Variants in EAPP observed in about 807,000 individuals in gnomAD.
The protein encoded by EAPP is E2F associated phosphoprotein.
In EAPP, 38 loss-of-function variants were observed where a neutral mutation model predicts 34.3. The observed-to-expected ratio is 1.11, with a 90% CI of 0.85 to 1.45. EAPP has a LOEUF of 1.45. EAPP is among the 40% of genes most tolerant of loss of function. The pLI, the probability that EAPP is intolerant of heterozygous loss-of-function variation, is 0.00. For synonymous variants in EAPP, 113 were observed against 117.6 expected (o/e 0.96, Z 0.25); for missense variants, 338 against 343.7 (o/e 0.98, Z 0.13).
chr14:34,530,070 G>T (rs973950888), intron 3 of EAPP, among the ~76,000 whole-genome samples: 1 of 151,862 alleles, frequency 6.6e-6, no homozygotes, highest in Non-Finnish European at 1.5e-5. Context: ...CGTGGTGGCA[G>T]GCACCTACAA....
Position 34,532,956 on chromosome 14 carries a change from C to T in EAPP, c.352+488G>A, listed in dbSNP as rs151296882. ...CCTCCCAAAGTGCTGGGATTACAAG[C>T]GTGAGCCACCATGCCCAGCCCCCAG... On this transcript the variant is annotated intron_variant, in intron 3 of 5. Transcript: ENST00000250454. Among the ~76,000 whole-genome samples the T allele has an allele frequency of 2.5e-3, 379 of 152,036 alleles. 1 individual carries two copies. Among genetic ancestry groups the T allele is most frequent in the African/African-American group, 8.9e-3 (371 of 41,508 alleles).
chr14:34,519,877 T>C (rs1407728406), intron 5 of EAPP, among the ~76,000 whole-genome samples: 1 of 149,742 alleles, frequency 6.7e-6, no homozygotes, highest in East Asian at 1.9e-4. Context: ...AACAAGGTTC[T>C]TTCTTTTCTT....
chr14:34,525,543 C>G (rs1359143581), intron 4 of EAPP, among the ~76,000 whole-genome samples: 1 of 152,112 alleles, frequency 6.6e-6, no homozygotes, highest in African/African-American at 2.4e-5. Context: ...CTGATTAGTG[C>G]TCCTCAAAGT....
intron 1 of EAPP, among the ~76,000 whole-genome samples, chr14:34,536,868 C>A (rs528619967): frequency 6.6e-6 from 1 of 151,524 alleles, no homozygotes; most frequent in African/African-American, 2.4e-5. Flanking sequence ...ATTCAGAATC[C>A]GTCTCAAAAA....
At position 34,516,544 on chromosome 14, in the gene EAPP, C is replaced by A. The variant is rs768694272; in HGVS notation, c.624G>T (p.Met208Ile). ...CCTCCTCTTTGTTAATAGAACAATTCATTACAAACATTGCTCTATATTGAG... is the reference window on the plus strand; with the variant it reads ...CCTCCTCTTTGTTAATAGAACAATTAATTACAAACATTGCTCTATATTGAG... ...YKTQYRAMFV[M>I]NCSINKEEVL... The change falls in exon 6 of 6, where the codon ATG becomes ATT. Residue 208 changes from methionine (M) to isoleucine (I), a missense_variant. Transcript: ENST00000250454. 1 of 1,613,840 alleles carries A rather than the reference C, an allele frequency of 6.2e-7. No individual in the cohort carries two copies. The highest frequency in any genetic ancestry group is 2.2e-5 in the East Asian group (1 of 44,878).
chr14:34,533,759 TTC>T (rs1880373677), intron 2 of EAPP, among the ~76,000 whole-genome samples: 1 of 152,220 alleles, frequency 6.6e-6, no homozygotes, highest in African/African-American at 2.4e-5. Context: ...GAGAAAATTC[TTC>T]TCTCTCCCTT....
At position 34,516,150 on chromosome 14, in the gene EAPP, A is replaced by C; in HGVS notation, c.*160T>G. On this transcript the variant is annotated 3_prime_UTR_variant, in exon 6 of 6. Coordinates refer to ENST00000250454, the MANE Select transcript of EAPP (RefSeq NM_018453.4). Reference sequence around the variant, plus strand: ...CAAAGAAAAAAAAAAGGAGAGGGTGAGAGATGTAAGAGATGAATGAAGGTT... The same window carrying C: ...CAAAGAAAAAAAAAAGGAGAGGGTGCGAGATGTAAGAGATGAATGAAGGTT... 3 of 607,054 alleles carry C rather than the reference A, an allele frequency of 4.9e-6. No homozygotes were observed. The highest frequency in any genetic ancestry group is 3.1e-5 in the South Asian group (1 of 32,604). 37.6% of individuals were successfully genotyped at this position (607,054 alleles called of 1,614,324 possible). A position where few individuals can be genotyped will look rare whatever the true frequency, so the allele number is the denominator to read the frequency against.
chr14:34,516,618 T>C (rs1265914267), intron 5 of EAPP, 32 bp from the exon 6 acceptor site: 1 of 1,579,258 alleles, frequency 6.3e-7, no homozygotes, highest in East Asian at 2.2e-5. Flanking sequence ...GAATTGGGGT[T>C]TATGTTCTAT....
chr14:34,524,520 G>A (rs1880028365), intron 5 of EAPP, among the ~76,000 whole-genome samples, 177 bp downstream of exon 5: 1 of 152,056 alleles, frequency 6.6e-6, no homozygotes, highest in African/African-American at 2.4e-5. Flanking sequence ...GGAGGCTGAG[G>A]CAGGAGACTC....
intron 5 of EAPP, among the ~76,000 whole-genome samples, chr14:34,523,239 C>CTTTT (rs71453625): frequency 1.5e-5 from 2 of 137,378 alleles, no homozygotes; most frequent in African/African-American, 2.7e-5. Flanking sequence ...GAAAAGATAC[C>CTTTT]TTTTTTTTTT....
At chr14:34,521,674 G>A (rs1879924416) in intron 5 of EAPP, among the ~76,000 whole-genome samples, 1 of 138,470 alleles carries the variant, frequency 7.2e-6, no homozygotes, top group Non-Finnish European at 1.5e-5. Context: ...TCGCTCCATT[G>A]CGCAGGCTGG....
chr14:34,539,392 C>T (rs1005720196), intron 1 of EAPP, 163 bp downstream of exon 1: 2 of 768,222 alleles, frequency 2.6e-6, no homozygotes, highest in Non-Finnish European at 4.5e-6. Context: ...CCCGGGACTG[C>T]GCGACCCCAT....
chr14:34,534,863 G>A (rs904918525), intron 2 of EAPP, among the ~76,000 whole-genome samples: 5 of 150,022 alleles, frequency 3.3e-5, no homozygotes, highest in South Asian at 4.2e-4. Context: ...TTTTTGAGAC[G>A]GAGTCTAGCT....
intron 3 of EAPP, among the ~76,000 whole-genome samples, chr14:34,532,016 C>T (rs1168836711): frequency 6.7e-6 from 1 of 149,190 alleles, no homozygotes; most frequent in African/African-American, 2.5e-5. Flanking sequence ...GCAGAGCTTG[C>T]AGTGAGCTGA....
intron 1 of EAPP, among the ~76,000 whole-genome samples, chr14:34,536,743 C>T (rs1880491325): frequency 6.6e-6 from 1 of 151,770 alleles, no homozygotes; most frequent in Non-Finnish European, 1.5e-5. Context: ...AACAGAGTCT[C>T]GCTCTTGTCG....
At chr14:34,534,804 C>A (rs1326233563) in intron 2 of EAPP, among the ~76,000 whole-genome samples, 1 of 151,634 alleles carries the variant, frequency 6.6e-6, no homozygotes, top group African/African-American at 2.4e-5. Context: ...AGTTTAAGAC[C>A]AGCCTGGGCA....
At chr14:34,539,246 A>T (rs1880575988) in intron 1 of EAPP, 4 of 567,296 alleles carry the variant, frequency 7.1e-6, no homozygotes, top group Non-Finnish European at 1.3e-5. Context: ...ATCGAGGATA[A>T]CTGACTTGCC....
intron 5 of EAPP, among the ~76,000 whole-genome samples, chr14:34,519,278 T>C (rs1178347279): frequency 6.6e-6 from 1 of 152,202 alleles, no homozygotes; most frequent in Non-Finnish European, 1.5e-5. Context: ...CTCAAGCCTG[T>C]AATCCCAGCA....
chr14:34,529,545 C>T (rs1484895704), intron 3 of EAPP, 70 bp from the exon 4 acceptor site: 9 of 1,112,966 alleles, frequency 8.1e-6, no homozygotes, highest in African/African-American at 3.1e-5. Flanking sequence ...AATGAAGAGT[C>T]TCATTTCCCA....
Sources: allele counts gnomAD v4.1 joint callset (sites outside exome capture counted in the v4.1 genomes callset), GRCh38; gene constraint gnomAD v4.1.1; transcripts MANE v1.5; gene names NCBI Gene and HGNC (gene_info 2026-07-23, HGNC 2026-07-21).